DYSF: variants seen among roughly 807,000 people sequenced by gnomAD.
DYSF encodes dystrophy-associated fer-1-like 1.
DYSF carries 212 observed loss-of-function variants against 274.9 expected under a neutral mutation model. The observed-to-expected ratio is 0.77, with a 90% CI of 0.69 to 0.86. The LOEUF (loss-of-function observed/expected upper bound fraction) is 0.86. Among genes scored for constraint, DYSF ranks in the 40% least tolerant of loss-of-function variants. The pLI is 0.00. For missense variants in DYSF, 2,666 were observed against 2,783.2 expected, an observed-to-expected ratio of 0.96 and a Z score of 0.95; for synonymous variants, 1,091 against 1,078.7, an observed-to-expected ratio of 1.01 and a Z score of -0.22.
At chr2:71,544,379 G>C (rs1293659528) in intron 17 of DYSF, among the ~76,000 whole-genome samples, 1 of 151,844 alleles carries the variant, frequency 6.6e-6, no homozygotes, top group East Asian at 1.9e-4. Flanking sequence ...ATCGTCTCCA[G>C]ATTCTAGATC....
chr2:71,616,854 G>A lies in DYSF; in HGVS notation c.4464+3444G>A, dbSNP rs188840548. On this transcript the variant is annotated intron_variant, in intron 40 of 55. Coordinates refer to ENST00000410020, the MANE Select transcript of DYSF (RefSeq NM_001130987.2). ...TTTTTAGGTTTCTCTTTCTGTCTCT[G>A]ATTCTGTCTCTGACTTCATTTCTAC... 1.5e-4 allele frequency among the ~76,000 whole-genome samples: 23 copies of A among 152,148 alleles called. 1 individual carries two copies. In the East Asian group the frequency reaches 4.4e-3, roughly 29 times the overall value.
At chr2:71,542,399 C>A (rs1373608318) in intron 17 of DYSF, among the ~76,000 whole-genome samples, 1 of 139,626 alleles carries the variant, frequency 7.2e-6, no homozygotes, top group Non-Finnish European at 1.5e-5. Flanking sequence ...TTTTATTGAT[C>A]ATTCTTGGGT....
chr2:71,535,185 C>T, intron 15 of DYSF, 83 bp from the exon 16 acceptor site: 1 of 1,596,754 alleles, frequency 6.3e-7, no homozygotes, highest in East Asian at 2.2e-5. Context: ...CTGCCAGTAT[C>T]CCAGACTTCA....
exon 1 of DYSF, chr2:71,453,948 T>C (rs1442353273): frequency 6.3e-7 from 1 of 1,599,964 alleles, no homozygotes; most frequent in Non-Finnish European, 8.6e-7. Flanking sequence ...CTCCCGACCT[T>C]TCCGAGCCCT....
intron 29 of DYSF, among the ~76,000 whole-genome samples, chr2:71,571,922 C>G (rs1022797591): frequency 6.9e-6 from 1 of 145,902 alleles, no homozygotes; most frequent in Non-Finnish European, 1.5e-5. Context: ...ACACCCAGCA[C>G]ATGCACAGAT....
At chr2:71,616,630 G>A (rs1227013858) in intron 40 of DYSF, among the ~76,000 whole-genome samples, 1 of 152,198 alleles carries the variant, frequency 6.6e-6, no homozygotes, top group African/African-American at 2.4e-5. Context: ...CACACAGGGA[G>A]AGCAGAAGTG....
At chr2:71,556,095 G>T (rs2091318334) in intron 22 of DYSF, 24 bp downstream of exon 22, 7 of 1,537,078 alleles carry the variant, frequency 4.6e-6, no homozygotes, top group Non-Finnish European at 6.2e-6. Flanking sequence ...GGCGCCCCTG[G>T]TGCCCACCTC....
intron 4 of DYSF, among the ~76,000 whole-genome samples, chr2:71,506,362 C>T (rs928120607): frequency 3.3e-5 from 5 of 152,098 alleles, no homozygotes; most frequent in Non-Finnish European, 7.4e-5. Context: ...CTGCTGATCT[C>T]GTTGATTGTG....
At position 71,615,196 on chromosome 2, in the gene DYSF, T is replaced by C. The variant is rs568260985; in HGVS notation, c.4464+1786T>C. ...CCTGGCCATCCTCCCGGCGTTGACA[T>C]GAGGGAACTGGGGCTGGGATCTGAG... On this transcript the variant is annotated intron_variant, in intron 40 of 55. Coordinates refer to ENST00000410020, the MANE Select transcript of DYSF (RefSeq NM_001130987.2). This position sits in a 1 kb window ranked among gnomAD's most constrained non-coding sequence, Gnocchi z 4.9. Among the ~76,000 whole-genome samples the C allele has an allele frequency of 3.3e-5, 5 of 152,138 alleles. No individual in the cohort carries two copies. The East Asian group carries it at 9.7e-4, about 30-fold the overall frequency.
intron 30 of DYSF, among the ~76,000 whole-genome samples, chr2:71,589,188 G>A (rs746512943): frequency 6.6e-6 from 1 of 152,182 alleles, no homozygotes; most frequent in Admixed American, 6.5e-5. Context: ...TTAGCAGGGG[G>A]TGGCAGAGAT....
chr2:71,674,879 T>C (rs1382839482), intron 52 of DYSF, among the ~76,000 whole-genome samples: 1 of 152,300 alleles, frequency 6.6e-6, no homozygotes, highest in Admixed American at 6.5e-5. Context: ...TGCACGCTCA[T>C]CTGTGAGAGC....
intron 32 of DYSF, among the ~76,000 whole-genome samples, chr2:71,595,772 C>T (rs2093388651): frequency 6.6e-6 from 1 of 152,232 alleles, no homozygotes. Context: ...GTGCTTGCCT[C>T]AGCTAGGGCA....
intron 3 of DYSF, among the ~76,000 whole-genome samples, chr2:71,499,475 T>C (rs567312163): frequency 6.6e-6 from 1 of 152,262 alleles, no homozygotes; most frequent in African/African-American, 2.4e-5. Context: ...TTGATTTCTT[T>C]GTGCTTTATT....
intron 1 of DYSF, among the ~76,000 whole-genome samples, chr2:71,475,400 C>A (rs2082328085): frequency 6.6e-6 from 1 of 152,198 alleles, no homozygotes; most frequent in African/African-American, 2.4e-5. Flanking sequence ...ATGGTGTTTG[C>A]CGCCAGAAAC....
intron 17 of DYSF, among the ~76,000 whole-genome samples, chr2:71,541,213 C>T (rs1436580251): frequency 1.3e-5 from 2 of 152,276 alleles, no homozygotes; most frequent in African/African-American, 4.8e-5. Flanking sequence ...GAATACAGTC[C>T]TTTGAGGGTT....
chr2:71,540,899 A>G lies in DYSF; in HGVS notation c.1576+1660A>G, dbSNP rs180853219. Among the ~76,000 whole-genome samples the G allele has an allele frequency of 1.2e-4, 18 of 152,266 alleles. No homozygotes were observed. In the East Asian group the frequency reaches 3.5e-3, roughly 29 times the overall value. ...CTATAGAAATTTAAAATTTTTATGT[A>G]GCCAAATCTGTTAGTCTTTTCCTTA... On this transcript the variant is annotated intron_variant, in intron 17 of 55. Coordinates refer to ENST00000410020, the MANE Select transcript of DYSF (RefSeq NM_001130987.2).
intron 54 of DYSF, among the ~76,000 whole-genome samples, chr2:71,682,167 G>A (rs1315250310): frequency 2.6e-5 from 4 of 152,020 alleles, no homozygotes; most frequent in Non-Finnish European, 5.9e-5. Context: ...GGGCTGGAGA[G>A]CACTTTGAAG....
chr2:71,599,828 G>C (rs2093502469), intron 33 of DYSF, among the ~76,000 whole-genome samples: 1 of 152,242 alleles, frequency 6.6e-6, no homozygotes, highest in African/African-American at 2.4e-5. Flanking sequence ...AGGTGCTGCT[G>C]TCTATATGCC....
upstream of DYSF, among the ~76,000 whole-genome samples, chr2:71,463,130 C>T (rs2081353935): frequency 6.6e-6 from 1 of 152,296 alleles, no homozygotes; most frequent in East Asian, 1.9e-4. Flanking sequence ...CAGAGGGGTG[C>T]TTGCAGTTCC....
Sources: allele counts gnomAD v4.1 joint callset (sites outside exome capture counted in the v4.1 genomes callset), GRCh38; gene constraint gnomAD v4.1.1; non-coding constraint Gnocchi (gnomAD v3.1); transcripts MANE v1.5; gene names NCBI Gene and HGNC (gene_info 2026-07-23, HGNC 2026-07-21).